The following ANO10 variants were observed in gnomAD, a reference collection of about 807,000 sequenced individuals.
ANO10 encodes the protein anoctamin 10.
ANO10 carries 77 observed loss-of-function variants against 74.7 expected under a neutral mutation model. That is an observed-to-expected ratio of 1.03 (90% CI 0.86 to 1.25). ANO10 has a LOEUF of 1.25. Ranked by LOEUF, ANO10 falls within the 50% of genes most tolerant of loss-of-function variation. The pLI is 0.00. For synonymous variants in ANO10, 279 were observed against 284.9 expected, an observed-to-expected ratio of 0.98 and a Z score of 0.21; for missense variants, 721 against 778.1, an observed-to-expected ratio of 0.93 and a Z score of 0.87.
rs192817688 is a variant in ANO10, at chr3:43,454,242, T to C, written c.1798-21515A>G. ...GTGTCTGGAATGGATTGCAAGAACG[T>C]TGAGAGGAGTTGATGATAAGGGCAG... On this transcript the variant is annotated intron_variant, in intron 11 of 12. Transcript: ENST00000292246. 4.6e-4 allele frequency among the ~76,000 whole-genome samples: 70 copies of C among 152,098 alleles called. 2 individuals carry two copies. Among genetic ancestry groups the C allele is most frequent in the African/African-American group, 1.5e-3 (63 of 41,482 alleles).
chr3:43,399,752 C>T (rs896025882), intron 12 of ANO10, among the ~76,000 whole-genome samples: 1 of 152,128 alleles, frequency 6.6e-6, no homozygotes, highest in Non-Finnish European at 1.5e-5. Flanking sequence ...TCATGAAGAC[C>T]CACATCAGAA....
chr3:43,459,718 CT>C (rs2075296982), intron 11 of ANO10, among the ~76,000 whole-genome samples: 1 of 152,276 alleles, frequency 6.6e-6, no homozygotes, highest in South Asian at 2.1e-4. Context: ...GGGGAAAGTG[CT>C]TTTTGGGCCT....
At chr3:43,605,031 T>C (rs962385341) in intron 2 of ANO10, among the ~76,000 whole-genome samples, 1 of 152,162 alleles carries the variant, frequency 6.6e-6, no homozygotes, top group Non-Finnish European at 1.5e-5. Context: ...AGGTGTTGTT[T>C]TGTATAGTTT....
chr3:43,428,027 A>G (rs2092923372), intron 12 of ANO10, among the ~76,000 whole-genome samples: 1 of 151,370 alleles, frequency 6.6e-6, no homozygotes, highest in Non-Finnish European at 1.5e-5. Flanking sequence ...GTTACATACG[A>G]TATCTTTGGT....
intron 11 of ANO10, among the ~76,000 whole-genome samples, chr3:43,527,036 A>AACAC (rs56025632): frequency 0.41 from 60,231 of 146,874 alleles, 12,765 homozygotes; most frequent in East Asian, 0.71. Context: ...ATGGATGTAA[A>AACAC]ACACACACAC....
chr3:43,573,092 T>C (rs1219678701), intron 7 of ANO10, among the ~76,000 whole-genome samples: 1 of 151,766 alleles, frequency 6.6e-6, no homozygotes, highest in Non-Finnish European at 1.5e-5. Flanking sequence ...AGACAAACAA[T>C]GTTTTTACCT....
chr3:43,540,586 C>T (rs1025449545), intron 11 of ANO10, among the ~76,000 whole-genome samples: 12 of 152,128 alleles, frequency 7.9e-5, no homozygotes, highest in Non-Finnish European at 1.6e-4. Flanking sequence ...TTAAATTATG[C>T]CAATTACAGT....
intron 1 of ANO10, among the ~76,000 whole-genome samples, chr3:43,670,342 A>AAATG (rs1356831776): frequency 1.3e-5 from 2 of 151,298 alleles, no homozygotes; most frequent in East Asian, 1.9e-4. Flanking sequence ...ATAAATAAAT[A>AAATG]AATAAATAAA....
chr3:43,406,007 G>C (rs1489741173), intron 12 of ANO10, among the ~76,000 whole-genome samples: 2 of 152,138 alleles, frequency 1.3e-5, no homozygotes, highest in African/African-American at 4.8e-5. Flanking sequence ...ACTGTGAAAA[G>C]GAAGGGGAAA....
chr3:43,437,335 A>G (rs1191444100), intron 11 of ANO10, among the ~76,000 whole-genome samples: 1 of 152,222 alleles, frequency 6.6e-6, no homozygotes, highest in African/African-American at 2.4e-5. Context: ...CCCACAAAGG[A>G]AAGGACTGAG....
intron 1 of ANO10, among the ~76,000 whole-genome samples, chr3:43,671,377 C>T (rs1298534658): frequency 6.6e-6 from 1 of 152,024 alleles, no homozygotes; most frequent in Non-Finnish European, 1.5e-5. Flanking sequence ...TACCAACTGC[C>T]GCCGCTGATA....
At position 43,571,649 on chromosome 3, in the gene ANO10, C is replaced by A. The variant is rs554424971; in HGVS notation, c.1218+3160G>T. On this transcript the variant is annotated intron_variant, in intron 7 of 12. Transcript: ENST00000292246. ...GAACTGAACAATGAGATCACATGGACACAGGAAGGGGAATATCACACTCTG... is the reference window on the plus strand; with the variant it reads ...GAACTGAACAATGAGATCACATGGAAACAGGAAGGGGAATATCACACTCTG... 5.7e-3 allele frequency among the ~76,000 whole-genome samples: 838 copies of A among 147,590 alleles called. 9 individuals carry two copies. The highest frequency in any genetic ancestry group is 0.02 in the African/African-American group (789 of 39,658).
At chr3:43,635,506 A>G (rs1042694793) in intron 1 of ANO10, among the ~76,000 whole-genome samples, 1 of 152,242 alleles carries the variant, frequency 6.6e-6, no homozygotes, top group Non-Finnish European at 1.5e-5. Context: ...TAAAGTAAAT[A>G]TAGTCCTTTA....
intron 11 of ANO10, among the ~76,000 whole-genome samples, chr3:43,493,897 G>A (rs866136102): frequency 2.0e-5 from 3 of 151,908 alleles, no homozygotes; most frequent in Non-Finnish European, 4.4e-5. Context: ...CACCACACTA[G>A]GCTAATTTTC....
At chr3:43,676,938 G>C (rs550938188) in intron 1 of ANO10, among the ~76,000 whole-genome samples, 1 of 152,004 alleles carries the variant, frequency 6.6e-6, no homozygotes, top group African/African-American at 2.4e-5. Flanking sequence ...TCTATAAAAG[G>C]AATGCAAAAC....
At chr3:43,602,196 A>T (rs2082363922) in intron 2 of ANO10, among the ~76,000 whole-genome samples, 1 of 152,032 alleles carries the variant, frequency 6.6e-6, no homozygotes, top group South Asian at 2.1e-4. Flanking sequence ...TCTTTCCACA[A>T]ATATTTCTCT....
At chr3:43,601,957 C>T (rs1398280216) in intron 2 of ANO10, among the ~76,000 whole-genome samples, 1 of 152,214 alleles carries the variant, frequency 6.6e-6, no homozygotes, top group Non-Finnish European at 1.5e-5. Context: ...CCCCCAGCTG[C>T]TTCCAGCCAT....
At chr3:43,485,008 T>C in intron 11 of ANO10, 3 of 1,464,990 alleles carry the variant, frequency 2.0e-6, no homozygotes, top group Non-Finnish European at 2.8e-6. Flanking sequence ...TGGTGAGGCG[T>C]GGCTTGTGCT....
chr3:43,430,846 T>TA (rs1468213349), intron 12 of ANO10, among the ~76,000 whole-genome samples: 3 of 151,802 alleles, frequency 2.0e-5, no homozygotes, highest in South Asian at 2.1e-4. Flanking sequence ...CAGTAAAGTT[T>TA]AAAAAAAATT....
Sources: gnomAD v4.1 joint callset for allele counts (sites outside exome capture counted in the v4.1 genomes callset) on GRCh38, gnomAD v4.1.1 for gene constraint, MANE v1.5 for transcripts, NCBI Gene and HGNC (gene_info 2026-07-23, HGNC 2026-07-21) for gene names.